The following TBC1D22B variants were observed in gnomAD, a reference collection of about 807,000 sequenced individuals.
TBC1D22B encodes chromosome 6 open reading frame 197.
TBC1D22B carries 32 observed loss-of-function variants against 69.1 expected under a neutral mutation model. That is an observed-to-expected ratio of 0.46 (90% CI 0.35 to 0.62). The LOEUF (loss-of-function observed/expected upper bound fraction) is 0.62, where lower values mean the gene tolerates loss of function less well. TBC1D22B is among the 20% of genes least tolerant of loss of function. The pLI is 0.00. For missense variants in TBC1D22B, 462 were observed against 630.9 expected (o/e 0.73, Z 2.87); for synonymous variants, 206 against 229.8 (o/e 0.90, Z 0.94).
At chr6:37,298,546 T>G (rs1288940681) in intron 8 of TBC1D22B, among the ~76,000 whole-genome samples, 5 of 139,430 alleles carry the variant, frequency 3.6e-5, no homozygotes, top group African/African-American at 1.4e-4. Flanking sequence ...ACAGTTTTTT[T>G]TTTTTTTTTT....
At chr6:37,312,399 C>G (rs1767941801) in intron 8 of TBC1D22B, among the ~76,000 whole-genome samples, 2 of 152,216 alleles carry the variant, frequency 1.3e-5, no homozygotes, top group Non-Finnish European at 2.9e-5. Flanking sequence ...CCTTTACATG[C>G]ATACCTTCTC....
rs765549865 is a variant in TBC1D22B at position 37,257,957 on chromosome 6, G to T, written c.40G>T (p.Ala14Ser). 6.2e-7 allele frequency: 1 copy of T among 1,614,116 alleles called. No homozygotes were observed. Residue 14 changes from alanine to serine, a missense_variant, in exon 1 of 13, where the codon GCT becomes TCT. Physicochemically the swap from Ala to Ser is moderately conservative, Grantham distance 99 (BLOSUM62 1). Transcript: ENST00000373491. ...CAGCAAGCAGTTTTGGAAGAGGAGC[G>T]CTAAGCTGCCGGGGAGGTGAGCCCA... ...ENSKQFWKRS[A>S]KLPGSIQPVY... is the part of the protein sequence containing the mutation.
At chr6:37,288,788 A>G (rs990915704) in intron 7 of TBC1D22B, among the ~76,000 whole-genome samples, 2 of 151,152 alleles carry the variant, frequency 1.3e-5, no homozygotes, top group African/African-American at 4.9e-5. Flanking sequence ...TTCTTTTAGT[A>G]GTGCATCCTG....
intron 8 of TBC1D22B, among the ~76,000 whole-genome samples, chr6:37,302,407 A>G (rs1012144515): frequency 6.6e-6 from 1 of 152,206 alleles, no homozygotes; most frequent in Admixed American, 6.5e-5. Flanking sequence ...GGCTTAGGCA[A>G]TATTAGTCTA....
In TBC1D22B at chr6:37,309,187, T is replaced by C. The variant is rs112410103; in HGVS notation, c.983-3731T>C. 3.1e-3 allele frequency among the ~76,000 whole-genome samples: 470 copies of C among 152,308 alleles called. 3 individuals carry two copies. The highest frequency in any genetic ancestry group is 0.01 in the African/African-American group (436 of 41,542). The stretch of plus-strand genomic sequence containing the variant: ...TTGAGACACAGAAAGTAAAGCCATT[T>C]GTGCAAAGTCACATAGCTACTGAAT... On this transcript the variant is annotated intron_variant, in intron 8 of 12. Coordinates refer to ENST00000373491, the MANE Select transcript of TBC1D22B (RefSeq NM_017772.4).
At chr6:37,270,452 AAAAAAT>A (rs1005525432) in intron 2 of TBC1D22B, among the ~76,000 whole-genome samples, 38 of 152,298 alleles carry the variant, frequency 2.5e-4, no homozygotes, top group African/African-American at 8.4e-4. Flanking sequence ...TGCCGTCTCA[AAAAAAT>A]AAAAATAAAA....
intron 12 of TBC1D22B, among the ~76,000 whole-genome samples, chr6:37,322,448 C>T (rs990441099): frequency 2.6e-5 from 4 of 151,874 alleles, no homozygotes; most frequent in Non-Finnish European, 5.9e-5. Context: ...ACCTGGGAGG[C>T]GGAGATTGCA....
Position 37,313,853 on chromosome 6 carries a change from A to G in TBC1D22B, c.1127A>G (p.Lys376Arg). 6.2e-7 allele frequency: 1 copy of G among 1,614,216 alleles called. No individual in the cohort carries two copies. Among genetic ancestry groups the G allele is most frequent in the Non-Finnish European group, 8.5e-7 (1 of 1,180,014 alleles). Reference protein sequence around the residue: ...YTFAQPGIQKKVKALEELVSR... With the variant: ...YTFAQPGIQKRVKALEELVSR... ...TTTGCACAACCAGGAATCCAGAAGAAGGTGAAGGCACTGGAAGAGCTTGTC... is the reference window on the plus strand; with the variant it reads ...TTTGCACAACCAGGAATCCAGAAGAGGGTGAAGGCACTGGAAGAGCTTGTC... The change falls in exon 10 of 13, where the codon AAG becomes AGG. Residue 376 changes from lysine to arginine, a missense_variant. By Grantham distance (26) the Lys-to-Arg change is conservative (BLOSUM62 2). Transcript: ENST00000373491.
intron 1 of TBC1D22B, among the ~76,000 whole-genome samples, chr6:37,261,087 C>T (rs1388506942): frequency 6.6e-6 from 1 of 152,134 alleles, no homozygotes; most frequent in East Asian, 1.9e-4. Flanking sequence ...GCCCCATTTA[C>T]TTAGCACATC....
At chr6:37,258,865 G>A (rs1765950492) in intron 1 of TBC1D22B, among the ~76,000 whole-genome samples, 1 of 151,990 alleles carries the variant, frequency 6.6e-6, no homozygotes, top group South Asian at 2.1e-4. Context: ...AGTCTACTTG[G>A]TGATGAAATT....
intron 4 of TBC1D22B, among the ~76,000 whole-genome samples, chr6:37,282,624 T>A (rs1766871662): frequency 6.6e-6 from 1 of 150,894 alleles, no homozygotes; most frequent in Admixed American, 6.6e-5. Flanking sequence ...TCAAGGTGAC[T>A]CTTACTGAAA....
At chr6:37,304,253 G>C (rs1218289985) in intron 8 of TBC1D22B, among the ~76,000 whole-genome samples, 1 of 152,190 alleles carries the variant, frequency 6.6e-6, no homozygotes, top group East Asian at 1.9e-4. Flanking sequence ...TGGGGTTTAT[G>C]ACCATAAACG....
chr6:37,321,924 C>G (rs1488786103), intron 12 of TBC1D22B, among the ~76,000 whole-genome samples: 2 of 152,178 alleles, frequency 1.3e-5, no homozygotes, highest in African/African-American at 4.8e-5. Context: ...AGTCATCAAC[C>G]TGCATGCTTA....
Position 37,282,810 on chromosome 6 carries a change from G to A in TBC1D22B, c.602-72G>A, listed in dbSNP as rs1450135511. 1.1e-5 allele frequency: 16 copies of A among 1,399,326 alleles called. No individual in the cohort carries two copies. In the South Asian group the frequency reaches 1.6e-4, roughly 14 times the overall value. 86.7% of individuals were successfully genotyped at this position (1,399,326 alleles called of 1,614,324 possible). On this transcript the variant is annotated intron_variant, in intron 4 of 12. Transcript: ENST00000373491. ...TTACATGGATGGAAGGAGACATCAG[G>A]CAGTGCTGGTTGCGGTTTGCTTTAG...
chr6:37,311,400 A>C (rs977138613), intron 8 of TBC1D22B, among the ~76,000 whole-genome samples: 1 of 152,160 alleles, frequency 6.6e-6, no homozygotes, highest in Admixed American at 6.5e-5. Flanking sequence ...GGTCAGGTGC[A>C]GTGGCTCACA....
rs756459599 is a variant in TBC1D22B at position 37,285,315 on chromosome 6, C to CTTTTTTTTTTT, written c.801+868_801+878dup. Among the ~76,000 whole-genome samples, 6 of 73,562 alleles carry CTTTTTTTTTTT rather than the reference C, an allele frequency of 8.2e-5. 1 individual carries two copies. The highest frequency in any genetic ancestry group is 2.4e-4 in the African/African-American group (4 of 16,858). The allele number at this position is 73,562 out of a possible 152,430, so 48.3% of individuals were successfully genotyped here. ...GCCAACTCCTTTTGGTCCTTCCCCA[C>CTTTTTTTTTTT]TTTTTTTTTTTTTTTTTTTTTTTTT... On this transcript the variant is annotated intron_variant, in intron 6 of 12. Coordinates refer to ENST00000373491, the MANE Select transcript of TBC1D22B (RefSeq NM_017772.4).
At chr6:37,287,159 T>C in intron 7 of TBC1D22B, 87 bp downstream of exon 7, 1 of 1,014,434 alleles carries the variant, frequency 9.9e-7, no homozygotes, top group Non-Finnish European at 1.5e-6. Context: ...ATCATAATAG[T>C]ACCTTATGTT....
At chr6:37,285,226 T>A (rs1766964968) in intron 6 of TBC1D22B, among the ~76,000 whole-genome samples, 1 of 151,554 alleles carries the variant, frequency 6.6e-6, no homozygotes, top group Non-Finnish European at 1.5e-5. Context: ...ATCCCTGAGT[T>A]GAAATGGACT....
chr6:37,298,671 G>T (rs948294171), intron 8 of TBC1D22B, among the ~76,000 whole-genome samples: 2 of 149,162 alleles, frequency 1.3e-5, no homozygotes, highest in African/African-American at 4.9e-5. Context: ...TCAGCCTCCC[G>T]ATTAGCTGGG....
Sources: gnomAD v4.1 joint callset for allele counts (sites outside exome capture counted in the v4.1 genomes callset) on GRCh38, gnomAD v4.1.1 for gene constraint, MANE v1.5 for transcripts, NCBI Gene and HGNC (gene_info 2026-07-23, HGNC 2026-07-21) for gene names.